Variants in SPIDR observed in about 807,000 individuals in gnomAD.
SPIDR encodes the protein DNA repair-scaffolding protein.
Under a neutral mutation model 104.6 loss-of-function variants are expected in SPIDR, and 93 were observed. The ratio of observed to expected loss-of-function variants is 0.89; its 90% confidence interval spans 0.75 to 1.06. SPIDR has a LOEUF of 1.06. Ranked by LOEUF, SPIDR falls within the 50% of genes least tolerant of loss-of-function variation. The pLI, the probability that SPIDR is intolerant of heterozygous loss-of-function variation, is 0.00. For synonymous variants in SPIDR, 431 were observed against 416.9 expected (o/e 1.03, Z -0.41); for missense variants, 1,154 against 1,111.2 (o/e 1.04, Z -0.55).
intron 5 of SPIDR, among the ~76,000 whole-genome samples, chr8:47,355,046 C>T (rs1193760535): frequency 6.6e-6 from 1 of 151,958 alleles, no homozygotes; most frequent in Non-Finnish European, 1.5e-5. Flanking sequence ...ACCTCTGCTT[C>T]CCCAGTTCAA....
chr8:47,525,014 A>G (rs1432109191), intron 8 of SPIDR, among the ~76,000 whole-genome samples: 1 of 152,180 alleles, frequency 6.6e-6, no homozygotes, highest in Non-Finnish European at 1.5e-5. Context: ...GGGATGACAC[A>G]CCCTGTTTTG....
intron 2 of SPIDR, among the ~76,000 whole-genome samples, chr8:47,283,809 C>G (rs376622515): frequency 6.6e-6 from 1 of 151,914 alleles, no homozygotes; most frequent in Non-Finnish European, 1.5e-5. Context: ...TAATGGGAAA[C>G]GTTTTGGTCA....
At chr8:47,713,134 A>G in intron 15 of SPIDR, 1 of 843,336 alleles carries the variant, frequency 1.2e-6, no homozygotes, top group Middle Eastern at 3.8e-4. Flanking sequence ...AGACTCCACA[A>G]ACAAACCAAA....
chr8:47,532,139 C>T (rs978796020), intron 8 of SPIDR, among the ~76,000 whole-genome samples: 3 of 148,452 alleles, frequency 2.0e-5, no homozygotes, highest in Non-Finnish European at 3.0e-5. Flanking sequence ...GGCGCGATCT[C>T]GGCTCACTGC....
chr8:47,495,121 T>C (rs2079242277), intron 8 of SPIDR, among the ~76,000 whole-genome samples: 1 of 152,202 alleles, frequency 6.6e-6, no homozygotes, highest in African/African-American at 2.4e-5. Flanking sequence ...ACCAAGAATC[T>C]GATTGAAATA....
chr8:47,525,097 T>C (rs2084768878), intron 8 of SPIDR, among the ~76,000 whole-genome samples: 1 of 152,230 alleles, frequency 6.6e-6, no homozygotes, highest in Non-Finnish European at 1.5e-5. Flanking sequence ...CAGTGTTTGC[T>C]TGAAAACTGA....
intron 16 of SPIDR, among the ~76,000 whole-genome samples, chr8:47,719,680 C>T (rs917116337): frequency 2.0e-5 from 3 of 152,028 alleles, no homozygotes; most frequent in African/African-American, 7.3e-5. Flanking sequence ...ACCAGGGGTT[C>T]CTACTCCTGG....
chr8:47,645,453 C>A (rs2070156605), intron 10 of SPIDR, among the ~76,000 whole-genome samples: 1 of 151,958 alleles, frequency 6.6e-6, no homozygotes, highest in African/African-American at 2.4e-5. Context: ...GTGGAGACCT[C>A]TAAGACACCA....
At chr8:47,346,206 C>T (rs1228254037) in intron 5 of SPIDR, among the ~76,000 whole-genome samples, 1 of 152,188 alleles carries the variant, frequency 6.6e-6, no homozygotes, top group African/African-American at 2.4e-5. Context: ...GCCTTTTCTG[C>T]ATCTATTGAG....
Position 47,650,778 on chromosome 8 carries a change from A to AT in SPIDR, c.1545-23022dup, listed in dbSNP as rs1380670486. ...TAGATACACAGACCACTGGAAAAGAATAGCCCAAGAAATAAGGCCAAATAC... is the reference window on the plus strand; with the variant it reads ...TAGATACACAGACCACTGGAAAAGAATTAGCCCAAGAAATAAGGCCAAATAC... On this transcript the variant is annotated intron_variant, in intron 10 of 19. Coordinates refer to ENST00000297423, the MANE Select transcript of SPIDR (RefSeq NM_001080394.4). Among the ~76,000 whole-genome samples the AT allele has an allele frequency of 2.0e-5, 3 of 152,314 alleles. No individual in the cohort carries two copies. The East Asian group carries it at 5.8e-4, about 29-fold the overall frequency.
chr8:47,357,324 T>G (rs2054750645), intron 5 of SPIDR, among the ~76,000 whole-genome samples: 1 of 152,164 alleles, frequency 6.6e-6, no homozygotes, highest in African/African-American at 2.4e-5. Flanking sequence ...GGTTCCCATG[T>G]CCCGACACCC....
At chr8:47,512,111 ACT>A (rs546390847) in intron 8 of SPIDR, 6 of 498,524 alleles carry the variant, frequency 1.2e-5, no homozygotes, top group African/African-American at 7.8e-5. Context: ...ACCACCACGA[ACT>A]CTCTCAGCGT....
At chr8:47,281,117 A>G (rs2037691590) in intron 2 of SPIDR, among the ~76,000 whole-genome samples, 1 of 152,210 alleles carries the variant, frequency 6.6e-6, no homozygotes, top group Non-Finnish European at 1.5e-5. Flanking sequence ...TGTTAAGTGC[A>G]ATAGTATTAT....
chr8:47,329,041 G>C (rs2048192190), intron 5 of SPIDR, among the ~76,000 whole-genome samples: 1 of 151,684 alleles, frequency 6.6e-6, no homozygotes, highest in African/African-American at 2.4e-5. Flanking sequence ...TGAGTAGCTG[G>C]GATTACAGGC....
intron 16 of SPIDR, among the ~76,000 whole-genome samples, chr8:47,718,657 A>G (rs1027761079): frequency 6.6e-6 from 1 of 152,198 alleles, no homozygotes; most frequent in Non-Finnish European, 1.5e-5. Flanking sequence ...TTTATTTTAT[A>G]AAGTGTAAAC....
At chr8:47,461,237 T>C (rs1427324646) in intron 8 of SPIDR, among the ~76,000 whole-genome samples, 2 of 152,234 alleles carry the variant, frequency 1.3e-5, no homozygotes, top group African/African-American at 2.4e-5. Flanking sequence ...TCCCCAAATA[T>C]GTTTTACAAA....
intron 8 of SPIDR, among the ~76,000 whole-genome samples, chr8:47,570,981 C>A (rs891115876): frequency 6.7e-6 from 1 of 149,784 alleles, no homozygotes; most frequent in South Asian, 2.1e-4. Context: ...GTCCCAGCTA[C>A]TCGGGAAGCT....
intron 8 of SPIDR, among the ~76,000 whole-genome samples, chr8:47,505,844 G>T (rs183561810): frequency 6.6e-6 from 1 of 152,228 alleles, no homozygotes; most frequent in East Asian, 1.9e-4. Context: ...CACTCTCTCC[G>T]AACCGTTACC....
chr8:47,358,420 A>G (rs1389497866), intron 5 of SPIDR, among the ~76,000 whole-genome samples: 2 of 152,178 alleles, frequency 1.3e-5, no homozygotes, highest in African/African-American at 2.4e-5. Flanking sequence ...AGAAATAAAT[A>G]TTGAGAGATT....
Sources: gnomAD v4.1 joint callset for allele counts (sites outside exome capture counted in the v4.1 genomes callset) on GRCh38, gnomAD v4.1.1 for gene constraint, MANE v1.5 for transcripts, NCBI Gene and HGNC (gene_info 2026-07-23, HGNC 2026-07-21) for gene names.